Variants in RAD51B observed in about 807,000 individuals in gnomAD.
The protein encoded by RAD51B is DNA repair protein RAD51 homolog 2.
RAD51B carries 38 observed loss-of-function variants against 42.2 expected under a neutral mutation model. The ratio of observed to expected loss-of-function variants is 0.90; its 90% CI spans 0.70 to 1.18. The LOEUF (loss-of-function observed/expected upper bound fraction) is 1.18. Among genes scored for constraint, RAD51B ranks in the 50% most tolerant of loss-of-function variants. The pLI is 0.00. For missense variants in RAD51B, 373 were observed against 400.7 expected (o/e 0.93, Z 0.59); for synonymous variants, 154 against 145.2 (o/e 1.06, Z -0.43).
At chr14:68,350,589 G>T (rs746510687) in intron 8 of RAD51B, among the ~76,000 whole-genome samples, 1 of 152,222 alleles carries the variant, frequency 6.6e-6, no homozygotes, top group Non-Finnish European at 1.5e-5. Flanking sequence ...ATCGTGTGTG[G>T]TCTGCATTTA....
chr14:68,609,428 G>A (rs1891583986), intron 10 of RAD51B, among the ~76,000 whole-genome samples: 1 of 152,040 alleles, frequency 6.6e-6, no homozygotes, highest in Admixed American at 6.5e-5. Context: ...GGCCCCTGGA[G>A]TCTCCTCTCA....
chr14:68,653,302 A>G (rs1487898299), intron 11 of RAD51B, among the ~76,000 whole-genome samples: 1 of 152,212 alleles, frequency 6.6e-6, no homozygotes, highest in African/African-American at 2.4e-5. Flanking sequence ...GTAGCGTACT[A>G]TGAGCATGAC....
rs114928487 is a variant in RAD51B, at chr14:68,391,686, C to A, written c.854-19738C>A. Reference sequence around the variant, plus strand: ...CTTTGACTTTCAGGGGATATCTATTCTTTATTCCTTTTACCCTGTATGTGG... The same window carrying A: ...CTTTGACTTTCAGGGGATATCTATTATTTATTCCTTTTACCCTGTATGTGG... On this transcript the variant is annotated intron_variant, in intron 8 of 10. Transcript: ENST00000471583. 2.6e-3 allele frequency among the ~76,000 whole-genome samples: 401 copies of A among 151,704 alleles called. 2 individuals carry two copies. Among genetic ancestry groups the A allele is most frequent in the African/African-American group, 9.5e-3 (392 of 41,412 alleles).
At chr14:67,893,526 C>T (rs1202227049) in intron 7 of RAD51B, among the ~76,000 whole-genome samples, 1 of 137,916 alleles carries the variant, frequency 7.3e-6, no homozygotes, top group Non-Finnish European at 1.6e-5. Context: ...AAACAATTAG[C>T]TGGGTGTGGT....
In RAD51B at chr14:68,178,839, C is replaced by T. The variant is rs1227565933; in HGVS notation, c.757-113045C>T. Reference sequence around the variant, plus strand: ...GTTGTTTGGCTGTGACATGCGTAAACAGATGTTGTAAAAAACCTGAAAAAC... The same window carrying T: ...GTTGTTTGGCTGTGACATGCGTAAATAGATGTTGTAAAAAACCTGAAAAAC... On this transcript the variant is annotated intron_variant, in intron 7 of 10. Transcript: ENST00000471583. Among the ~76,000 whole-genome samples the T allele has an allele frequency of 2.6e-5, 4 of 152,226 alleles. No homozygotes were observed. In the East Asian group the frequency reaches 7.7e-4, roughly 29 times the overall value.
At chr14:68,441,259 T>G (rs2085277912) in intron 9 of RAD51B, among the ~76,000 whole-genome samples, 1 of 151,962 alleles carries the variant, frequency 6.6e-6, no homozygotes, top group South Asian at 2.1e-4. Context: ...AAGATTAATT[T>G]AGGCCAGGCA....
chr14:68,663,955 T>A (rs1892985417), intron 11 of RAD51B, among the ~76,000 whole-genome samples: 1 of 152,238 alleles, frequency 6.6e-6, no homozygotes, highest in South Asian at 2.1e-4. Context: ...AAGCACTTGA[T>A]AAATGTGTTA....
chr14:68,449,323 T>C (rs2085498397), intron 9 of RAD51B, among the ~76,000 whole-genome samples: 1 of 152,248 alleles, frequency 6.6e-6, no homozygotes. Flanking sequence ...TGCTTCATCA[T>C]TAACCTTCTC....
intron 8 of RAD51B, among the ~76,000 whole-genome samples, chr14:68,406,501 G>A (rs1054531195): frequency 6.6e-6 from 1 of 152,096 alleles, no homozygotes; most frequent in Non-Finnish European, 1.5e-5. Context: ...ACCTGTGTAG[G>A]GCACTTACTA....
intron 5 of RAD51B, among the ~76,000 whole-genome samples, chr14:67,867,563 C>T (rs2042368885): frequency 6.6e-6 from 1 of 152,186 alleles, no homozygotes; most frequent in Non-Finnish European, 1.5e-5. Context: ...CTGTAGTCCT[C>T]TTGTAGATTT....
At chr14:68,016,907 A>G (rs755126573) in intron 7 of RAD51B, among the ~76,000 whole-genome samples, 32 of 152,338 alleles carry the variant, frequency 2.1e-4, no homozygotes, top group Non-Finnish European at 4.0e-4. Context: ...AAAATGCCAT[A>G]AAGTTAAATG....
intron 8 of RAD51B, among the ~76,000 whole-genome samples, chr14:68,408,303 G>T (rs1372369187): frequency 6.6e-6 from 1 of 152,246 alleles, no homozygotes; most frequent in Non-Finnish European, 1.5e-5. Flanking sequence ...TTTTAAACCA[G>T]ATTAACTGGA....
intron 7 of RAD51B, among the ~76,000 whole-genome samples, chr14:68,234,889 TTTAA>T (rs1393639154): frequency 2.0e-5 from 3 of 152,174 alleles, no homozygotes; most frequent in African/African-American, 7.2e-5. Context: ...TTTATAAACT[TTTAA>T]TTATTTTTAA....
chr14:68,201,508 T>C (rs1283238381), intron 7 of RAD51B, among the ~76,000 whole-genome samples: 1 of 152,202 alleles, frequency 6.6e-6, no homozygotes. Context: ...CACAAAAACT[T>C]TCCCAGGGAA....
At chr14:68,278,518 G>C (rs1396300334) in intron 7 of RAD51B, among the ~76,000 whole-genome samples, 1 of 152,154 alleles carries the variant, frequency 6.6e-6, no homozygotes, top group Admixed American at 6.5e-5. Flanking sequence ...TCTTTGTCTA[G>C]ACTATGTAGT....
intron 8 of RAD51B, among the ~76,000 whole-genome samples, chr14:68,353,906 T>C (rs141105028): frequency 5.6e-4 from 85 of 152,256 alleles, no homozygotes; most frequent in African/African-American, 1.6e-3. Flanking sequence ...TGGAACTGTG[T>C]GGGGTACCCT....
At chr14:67,921,819 A>G (rs1374997565) in intron 7 of RAD51B, among the ~76,000 whole-genome samples, 14 of 152,148 alleles carry the variant, frequency 9.2e-5, no homozygotes, top group African/African-American at 3.1e-4. Context: ...CTGGTACTTC[A>G]GTTTCCTCCC....
chr14:68,100,981 A>C (rs989173767), intron 7 of RAD51B, among the ~76,000 whole-genome samples: 2 of 152,210 alleles, frequency 1.3e-5, no homozygotes, highest in Non-Finnish European at 2.9e-5. Context: ...AGGCCTCAGG[A>C]AACTTACAGT....
At chr14:68,081,734 C>T (rs2076915381) in intron 7 of RAD51B, among the ~76,000 whole-genome samples, 1 of 152,054 alleles carries the variant, frequency 6.6e-6, no homozygotes, top group Non-Finnish European at 1.5e-5. Flanking sequence ...TCTTCAGTGC[C>T]CCACTGCTCA....
Sources: allele counts gnomAD v4.1 joint callset (sites outside exome capture counted in the v4.1 genomes callset), GRCh38; gene constraint gnomAD v4.1.1; transcripts MANE v1.5; gene names NCBI Gene and HGNC (gene_info 2026-07-23, HGNC 2026-07-21).